POPDC3: variants seen among roughly 807,000 people sequenced by gnomAD.
POPDC3 encodes the protein popeye domain cAMP effector 3, also known as popeye domain-containing protein 3.
Under a neutral mutation model 28.2 loss-of-function variants are expected in POPDC3, and 20 were observed. The ratio of observed to expected loss-of-function variants is 0.71; its 90% CI spans 0.50 to 1.03. The LOEUF is 1.03. POPDC3 is among the 50% of genes least tolerant of loss of function. POPDC3 has a pLI of 0.00. For synonymous variants in POPDC3, 118 were observed against 124.1 expected, an observed-to-expected ratio of 0.95 and a Z score of 0.33; for missense variants, 316 against 345.9, an observed-to-expected ratio of 0.91 and a Z score of 0.69.
intron 2 of POPDC3, among the ~76,000 whole-genome samples, 160 bp downstream of exon 2, chr6:105,161,265 A>G (rs1474429358): frequency 2.0e-5 from 3 of 152,212 alleles, no homozygotes; most frequent in African/African-American, 7.2e-5. Context: ...CATATATTCT[A>G]AATGGCTATG....
intron 2 of POPDC3, among the ~76,000 whole-genome samples, chr6:105,160,445 C>G (rs927463541): frequency 2.7e-5 from 1 of 37,202 alleles, no homozygotes; most frequent in Non-Finnish European, 1.5e-4. Context: ...AACTCCTGAC[C>G]TCAAGTGACC....
intron 1 of POPDC3, chr6:105,163,630 T>TA (rs1657482819): frequency 6.6e-6 from 1 of 152,134 alleles, no homozygotes. Context: ...GAAAATGACT[T>TA]AGCTGGAGTA....
chr6:105,165,137 C>T (rs750641920), intron 1 of POPDC3, among the ~76,000 whole-genome samples: 3 of 152,270 alleles, frequency 2.0e-5, no homozygotes, highest in East Asian at 1.9e-4. Flanking sequence ...AATTCCCGTC[C>T]GCCCCTCTTT....
intron 1 of POPDC3, among the ~76,000 whole-genome samples, chr6:105,175,045 T>C (rs2114548561): frequency 6.6e-6 from 1 of 151,936 alleles, no homozygotes; most frequent in South Asian, 2.1e-4. Flanking sequence ...CACACGCCTG[T>C]AATCCCAGCT....
intron 1 of POPDC3, among the ~76,000 whole-genome samples, chr6:105,178,052 C>G: frequency 6.6e-6 from 1 of 152,112 alleles, no homozygotes; most frequent in East Asian, 1.9e-4. Context: ...ATCGGTGATT[C>G]GATATACTCT....
intron 1 of POPDC3, among the ~76,000 whole-genome samples, chr6:105,165,859 A>T (rs1301713716): frequency 6.6e-6 from 1 of 152,196 alleles, no homozygotes; most frequent in Admixed American, 6.5e-5. Context: ...CAACTTTGGC[A>T]TGTGTTCCCT....
chr6:105,167,704 G>T (rs1003073228), intron 1 of POPDC3, among the ~76,000 whole-genome samples: 7 of 147,474 alleles, frequency 4.7e-5, no homozygotes, highest in African/African-American at 1.8e-4. Flanking sequence ...CTGAGATCAT[G>T]CCCCTGTACT....
intron 1 of POPDC3, among the ~76,000 whole-genome samples, chr6:105,179,461 G>A (rs1163857220): frequency 1.3e-5 from 2 of 152,194 alleles, no homozygotes; most frequent in African/African-American, 2.4e-5. Flanking sequence ...GCTCCAGGGT[G>A]CCTGGGGCCA....
intron 3 of POPDC3, among the ~76,000 whole-genome samples, chr6:105,159,273 A>C (rs1439434762): frequency 6.6e-6 from 1 of 152,238 alleles, no homozygotes; most frequent in East Asian, 1.9e-4. Context: ...CAGCAGAGTA[A>C]TGACAGTAAG....
At position 105,161,658 on chromosome 6, in the gene POPDC3, C is replaced by T; in HGVS notation, c.252G>A (p.Leu84=). 1 of 1,614,166 alleles carries T rather than the reference C, an allele frequency of 6.2e-7. No homozygotes were observed. Among genetic ancestry groups the T allele is most frequent in the Non-Finnish European group, 8.5e-7 (1 of 1,180,032 alleles). Residue 84 remains leucine, a synonymous_variant, in exon 2 of 4, where the codon CTG becomes CTA. Transcript: ENST00000254765. ...CAAATTGCATGAAGCAGATGACAAA[C>T]AGTACAAAATTCCAGGAAAATATGT... ...AADIFSWNFV[L]FVICFMQFVH... is the part of the protein sequence containing the mutation.
intron 1 of POPDC3, among the ~76,000 whole-genome samples, chr6:105,173,547 C>T (rs9500050): frequency 0.04 from 6,056 of 152,142 alleles, 418 homozygotes; most frequent in African/African-American, 0.14. Flanking sequence ...TCCAAAAATA[C>T]TGGGGGCAGG....
chr6:105,169,501 C>G (rs1045140727), intron 1 of POPDC3: 6 of 152,186 alleles, frequency 3.9e-5, no homozygotes, highest in Non-Finnish European at 7.3e-5. Context: ...TCATGGTTGA[C>G]CTTCAAATCA....
chr6:105,163,551 T>C (rs531433581), intron 1 of POPDC3: 27 of 152,352 alleles, frequency 1.8e-4, no homozygotes, highest in African/African-American at 6.3e-4. Flanking sequence ...ATAGATTATT[T>C]CCAGCACACC....
chr6:105,162,012 CACAA>C lies in POPDC3; in HGVS notation c.-107_-104del. 1 of 1,507,858 alleles carries C rather than the reference CACAA, an allele frequency of 6.6e-7. No individual in the cohort carries two copies. Among genetic ancestry groups the C allele is most frequent in the Non-Finnish European group, 8.8e-7 (1 of 1,135,362 alleles). 93.4% of individuals were successfully genotyped at this position (1,507,858 alleles called of 1,614,324 possible). ...CATCATGAGAGTTTTGTGCAGTCTT[CACAA>C]AACCAGAGAAAACGGACACTGGAGT... On this transcript the variant is annotated 5_prime_UTR_variant, in exon 2 of 4. Transcript: ENST00000254765.
chr6:105,178,296 G>A (rs1329593836), intron 1 of POPDC3, among the ~76,000 whole-genome samples: 3 of 152,152 alleles, frequency 2.0e-5, no homozygotes, highest in Non-Finnish European at 4.4e-5. Context: ...TTCAAAATAA[G>A]CAGGCATCAG....
At chr6:105,178,343 G>A (rs1774718192) in intron 1 of POPDC3, among the ~76,000 whole-genome samples, 1 of 152,164 alleles carries the variant, frequency 6.6e-6, no homozygotes, top group Non-Finnish European at 1.5e-5. Context: ...CAGTCTTGTG[G>A]TGAAAAGTAT....
At chr6:105,169,626 A>G (rs1281059197) in intron 1 of POPDC3, 1 of 152,148 alleles carries the variant, frequency 6.6e-6, no homozygotes, top group African/African-American at 2.4e-5. Context: ...AATTAACTCT[A>G]TTTCTTCAAA....
At chr6:105,168,285 T>TAG (rs1208589193) in intron 1 of POPDC3, among the ~76,000 whole-genome samples, 70 of 152,330 alleles carry the variant, frequency 4.6e-4, no homozygotes, top group Middle Eastern at 6.8e-3. Context: ...TTTTCTCATT[T>TAG]CATCTTCTGA....
chr6:105,163,032 C>T (rs1439314252), intron 1 of POPDC3, among the ~76,000 whole-genome samples: 2 of 152,102 alleles, frequency 1.3e-5, no homozygotes, highest in Admixed American at 1.3e-4. Flanking sequence ...TGTGGCCTCT[C>T]AGGAAAGATT....
Sources: allele counts gnomAD v4.1 joint callset (sites outside exome capture counted in the v4.1 genomes callset), GRCh38; gene constraint gnomAD v4.1.1; transcripts MANE v1.5; gene names NCBI Gene and HGNC (gene_info 2026-07-23, HGNC 2026-07-21).